Variants in SAMD4A observed in about 807,000 individuals in gnomAD.
The protein encoded by SAMD4A is sterile alpha motif domain containing 4A.
SAMD4A carries 33 observed loss-of-function variants against 81.3 expected under a neutral mutation model. That is an observed-to-expected ratio of 0.41 (90% CI 0.31 to 0.54). The LOEUF is 0.54. Among genes scored for constraint, SAMD4A ranks in the 20% least tolerant of loss-of-function variants. SAMD4A has a pLI of 0.37. For synonymous variants in SAMD4A, 389 were observed against 382.1 expected (o/e 1.02, Z -0.21); for missense variants, 854 against 951.1 (o/e 0.90, Z 1.34).
At position 54,748,413 on chromosome 14, in the gene SAMD4A, G is replaced by A. The variant is rs117821415; in HGVS notation, c.980-402G>A. Among the ~76,000 whole-genome samples, 329 of 152,280 alleles carry A rather than the reference G, an allele frequency of 2.2e-3. 1 individual carries two copies. The highest frequency in any genetic ancestry group is 3.9e-3 in the Non-Finnish European group (264 of 68,014). ...CCAGCTCTTTCCAACTCGATGAAGC[G>A]GTCCAGCTAATGCAGTTGTTCCCTG... is the stretch of plus-strand genomic sequence containing the variant. On this transcript the variant is annotated intron_variant, in intron 4 of 12. Coordinates refer to ENST00000554335, the MANE Select transcript of SAMD4A (RefSeq NM_015589.6).
At chr14:54,719,155 G>A (rs1355041575) in intron 3 of SAMD4A, among the ~76,000 whole-genome samples, 2 of 152,058 alleles carry the variant, frequency 1.3e-5, no homozygotes, top group Non-Finnish European at 2.9e-5. Context: ...ATGGGGCTTT[G>A]GCTGGGCTAT....
intron 3 of SAMD4A, among the ~76,000 whole-genome samples, chr14:54,720,824 G>A (rs574923901): frequency 5.3e-5 from 8 of 152,194 alleles, no homozygotes; most frequent in African/African-American, 1.7e-4. Context: ...TGCCTTCAGA[G>A]GTACCTGCTC....
chr14:54,645,502 TCTTG>T (rs2035268422), intron 2 of SAMD4A, among the ~76,000 whole-genome samples: 1 of 152,240 alleles, frequency 6.6e-6, no homozygotes, highest in Non-Finnish European at 1.5e-5. Flanking sequence ...TGACTCTAAG[TCTTG>T]CTTAAAAAAT....
At chr14:54,586,348 T>C (rs528778414) in intron 2 of SAMD4A, among the ~76,000 whole-genome samples, 1 of 152,380 alleles carries the variant, frequency 6.6e-6, no homozygotes, top group African/African-American at 2.4e-5. Flanking sequence ...GATGTATAGA[T>C]TGTGAAAATT....
chr14:54,613,346 TGAA>T (rs1215985561), intron 2 of SAMD4A, among the ~76,000 whole-genome samples: 1 of 151,886 alleles, frequency 6.6e-6, no homozygotes, highest in Non-Finnish European at 1.5e-5. Flanking sequence ...TAGGGTGAAA[TGAA>T]GCAGGTAGCA....
At position 54,791,569 on chromosome 14, in the gene SAMD4A, A is replaced by G. The variant is rs2064839874; in HGVS notation, c.*2625A>G. 6.6e-6 allele frequency: 1 copy of G among 152,092 alleles called. No individual in the cohort carries two copies. The highest frequency in any genetic ancestry group is 2.1e-4 in the South Asian group (1 of 4,814). The allele number at this position is 152,092 out of a possible 1,614,324, so 9.4% of individuals were successfully genotyped here. A position where few individuals can be genotyped will look rare whatever the true frequency, so the allele number is the denominator to read the frequency against. On this transcript the variant is annotated 3_prime_UTR_variant, in exon 13 of 13. Coordinates refer to ENST00000554335, the MANE Select transcript of SAMD4A (RefSeq NM_015589.6). ...GATAAAGTCTGTTATTAATAACAAC[A>G]TAATTCTTTTTTTAAAGAAGAAAAG...
intron 4 of SAMD4A, among the ~76,000 whole-genome samples, chr14:54,748,553 A>G (rs932343870): frequency 5.9e-5 from 9 of 152,174 alleles, no homozygotes; most frequent in Non-Finnish European, 1.3e-4. Flanking sequence ...GGGATTTCTG[A>G]ATGCCCTGAA....
At chr14:54,638,823 T>C (rs949801306) in intron 2 of SAMD4A, among the ~76,000 whole-genome samples, 5 of 152,236 alleles carry the variant, frequency 3.3e-5, no homozygotes, top group African/African-American at 1.2e-4. Flanking sequence ...AAGTTCATTT[T>C]ATTACCTGAA....
At position 54,737,272 on chromosome 14, in the gene SAMD4A, G is replaced by A. The variant is rs1301615881; in HGVS notation, c.964G>A (p.Gly322Ser). 1 of 1,614,124 alleles carries A rather than the reference G, an allele frequency of 6.2e-7. No individual in the cohort carries two copies. The highest frequency in any genetic ancestry group is 8.5e-7 in the Non-Finnish European group (1 of 1,180,028). The change falls in exon 4 of 13, where the codon GGT (glycine) becomes AGT (serine). Residue 322 changes from glycine (G) to serine (S), a missense_variant. Physicochemically the swap from Gly to Ser is moderately conservative, Grantham distance 56. Around this residue, in one of 3 missense-constraint regions of SAMD4A, gnomAD observed 387 missense variants for 405.8 expected, o/e 0.95. Transcript: ENST00000554335. ...TTARNTFQEE[G>S]SGMKDVPAWL... ...TGCTCGTAACACATTCCAAGAAGAA[G>A]GTAGTGGGATGAAAGGTGAGTGACT...
chr14:54,580,897 A>T (rs889937054), intron 2 of SAMD4A, among the ~76,000 whole-genome samples: 1 of 152,218 alleles, frequency 6.6e-6, no homozygotes, highest in African/African-American at 2.4e-5. Context: ...TCCGTAATCC[A>T]CAAGGGGTTT....
Position 54,789,040 on chromosome 14 carries a change from CTT to C in SAMD4A, c.*98_*99del, listed in dbSNP as rs1207965696. On this transcript the variant is annotated 3_prime_UTR_variant, in exon 13 of 13. Transcript: ENST00000554335. ...GGGTTGCACAGAATCCTCCAAGATA[CTT>C]TGCAGCCTTTTTTCCCCCTGGTCCC... is the stretch of plus-strand genomic sequence containing the variant. The C allele has an allele frequency of 2.2e-6, 3 of 1,394,714 alleles. No individual in the cohort carries two copies. Among genetic ancestry groups the C allele is most frequent in the Non-Finnish European group, 3.1e-6 (3 of 982,580 alleles). 86.4% of individuals were successfully genotyped at this position (1,394,714 alleles called of 1,614,324 possible).
intron 3 of SAMD4A, among the ~76,000 whole-genome samples, chr14:54,726,030 G>A (rs1187616783): frequency 6.6e-6 from 1 of 151,940 alleles, no homozygotes; most frequent in Admixed American, 6.6e-5. Flanking sequence ...AAGCCCAAGA[G>A]TCAACCCTTC....
intron 2 of SAMD4A, among the ~76,000 whole-genome samples, chr14:54,672,677 G>A (rs1028092231): frequency 1.3e-5 from 2 of 152,134 alleles, no homozygotes; most frequent in African/African-American, 4.8e-5. Context: ...AGGGTTATAA[G>A]GATGTAGGGC....
intron 3 of SAMD4A, among the ~76,000 whole-genome samples, chr14:54,706,533 A>G (rs1219448104): frequency 6.6e-6 from 1 of 151,436 alleles, no homozygotes; most frequent in Non-Finnish European, 1.5e-5. Context: ...TGAACCTGGG[A>G]GACAGAGGTT....
intron 4 of SAMD4A, among the ~76,000 whole-genome samples, chr14:54,737,561 T>TTTTTTTTTTTTTTTTTTTG (rs34263162): frequency 6.5e-5 from 8 of 122,606 alleles, no homozygotes; most frequent in Admixed American, 9.4e-5. Flanking sequence ...TTTTTTTTTT[T>TTTTTTTTTTTTTTTTTTTG]GCATTGCAGT....
chr14:54,778,774 C>T (rs1484747956), intron 11 of SAMD4A, among the ~76,000 whole-genome samples: 2 of 152,222 alleles, frequency 1.3e-5, no homozygotes, highest in Non-Finnish European at 2.9e-5. Context: ...AGGAGCCACT[C>T]CTAAGTCCTG....
intron 2 of SAMD4A, among the ~76,000 whole-genome samples, chr14:54,594,007 A>G (rs1594707180): frequency 6.6e-6 from 1 of 152,218 alleles, no homozygotes; most frequent in South Asian, 2.1e-4. Flanking sequence ...ATACAGGAAG[A>G]TGACTCATGT....
At chr14:54,765,816 C>CTCAGTTCTCAG (rs113272190) in intron 8 of SAMD4A, among the ~76,000 whole-genome samples, 3,029 of 152,232 alleles carry the variant, frequency 0.02, 96 homozygotes, top group African/African-American at 0.069. Context: ...GAAGTTCTCA[C>CTCAGTTCTCAG]GGCCCTCACC....
intron 3 of SAMD4A, among the ~76,000 whole-genome samples, chr14:54,730,103 A>G (rs572607376): frequency 1.1e-4 from 17 of 152,356 alleles, no homozygotes; most frequent in African/African-American, 3.8e-4. Context: ...TCAAATGTTT[A>G]AGTGATAATG....
Sources: allele counts gnomAD v4.1 joint callset (sites outside exome capture counted in the v4.1 genomes callset), GRCh38; gene constraint gnomAD v4.1.1; regional missense constraint gnomAD v4.1.1; transcripts MANE v1.5; gene names NCBI Gene and HGNC (gene_info 2026-07-23, HGNC 2026-07-21).